Variants in IARS1 observed in about 807,000 individuals in gnomAD.
IARS1 encodes isoleucyl-tRNA synthetase 1.
Under a neutral mutation model 168.2 loss-of-function variants are expected in IARS1, and 124 were observed. The observed-to-expected ratio is 0.74, with a 90% CI of 0.64 to 0.86. The LOEUF (loss-of-function observed/expected upper bound fraction) is 0.86. Ranked by LOEUF, IARS1 falls within the 40% of genes least tolerant of loss-of-function variation. The probability of loss-of-function intolerance (pLI) is 0.00; values close to 1 mark genes in which losing one functional copy is unlikely to be tolerated. For missense variants in IARS1, 1,452 were observed against 1,515.8 expected (o/e 0.96, Z 0.70); for synonymous variants, 532 against 529.4 (o/e 1.00, Z -0.07).
chr9:92,265,984 C>T (rs1484299547), intron 14 of IARS1, among the ~76,000 whole-genome samples: 1 of 152,112 alleles, frequency 6.6e-6, no homozygotes, highest in Non-Finnish European at 1.5e-5. Flanking sequence ...CACATTAACA[C>T]ACCAATCTGG....
chr9:92,236,258 A>G (rs975744354), intron 30 of IARS1, among the ~76,000 whole-genome samples: 1 of 152,226 alleles, frequency 6.6e-6, no homozygotes, highest in Non-Finnish European at 1.5e-5. Context: ...TGCTGAGATT[A>G]CAGGCATAAG....
At chr9:92,213,903 C>T (rs907885737) in intron 33 of IARS1, among the ~76,000 whole-genome samples, 4 of 152,022 alleles carry the variant, frequency 2.6e-5, no homozygotes, top group Admixed American at 6.5e-5. Flanking sequence ...CCTCTGCCTC[C>T]CAGGTTCAAG....
At chr9:92,225,574 A>ATTT (rs35209758) in intron 31 of IARS1, among the ~76,000 whole-genome samples, 33,791 of 144,076 alleles carry the variant, frequency 0.23, 4,538 homozygotes, top group Middle Eastern at 0.38. Context: ...TAAAAGTGTG[A>ATTT]TTTTTTTTTT....
intron 29 of IARS1, among the ~76,000 whole-genome samples, 184 bp downstream of exon 29, chr9:92,241,970 C>T (rs1292888174): frequency 6.6e-6 from 1 of 152,160 alleles, no homozygotes; most frequent in Non-Finnish European, 1.5e-5. Context: ...TTCCATCTTC[C>T]CTCCCTGCTC....
chr9:92,237,498 T>C (rs1827709791), intron 30 of IARS1, among the ~76,000 whole-genome samples: 1 of 151,948 alleles, frequency 6.6e-6, no homozygotes, highest in African/African-American at 2.4e-5. Context: ...ATTTATATTC[T>C]GCTATTTTTG....
intron 28 of IARS1, 152 bp from the exon 29 acceptor site, chr9:92,242,482 T>C: frequency 3.3e-6 from 2 of 613,308 alleles, no homozygotes; most frequent in East Asian, 2.7e-5. Context: ...TCCGTAAGAC[T>C]AACTGCACTC....
chr9:92,239,035 A>G (rs1827971653), intron 30 of IARS1, among the ~76,000 whole-genome samples: 1 of 152,258 alleles, frequency 6.6e-6, no homozygotes. Context: ...TTGAGGCCTT[A>G]GTGTATATAC....
chr9:92,260,581 A>T (rs1831382013), intron 17 of IARS1, among the ~76,000 whole-genome samples: 1 of 152,130 alleles, frequency 6.6e-6, no homozygotes, highest in Admixed American at 6.5e-5. Context: ...CCTGAACCTG[A>T]GAGGCAGAGA....
chr9:92,282,217 A>C (rs1009333873), intron 6 of IARS1, among the ~76,000 whole-genome samples: 1 of 152,228 alleles, frequency 6.6e-6, no homozygotes, highest in Non-Finnish European at 1.5e-5. Context: ...ATGTGGTAAA[A>C]GGTTAACATT....
intron 10 of IARS1, among the ~76,000 whole-genome samples, chr9:92,272,857 A>C (rs1833255171): frequency 9.9e-6 from 1 of 100,714 alleles, no homozygotes; most frequent in East Asian, 2.1e-4. Context: ...TCTCAAACAA[A>C]ACAAAACAAA....
At chr9:92,252,636 G>A (rs1039285712) in intron 21 of IARS1, among the ~76,000 whole-genome samples, 1 of 151,604 alleles carries the variant, frequency 6.6e-6, no homozygotes, top group Non-Finnish European at 1.5e-5. Flanking sequence ...GCGTGGTGGT[G>A]CACACTTGTA....
Position 92,268,157 on chromosome 9 carries a change from A to T in IARS1, c.1431+17T>A. On this transcript the variant is annotated intron_variant, in intron 14 of 33. Coordinates refer to ENST00000443024, the MANE Select transcript of IARS1 (RefSeq NM_002161.6). Reference sequence around the variant, plus strand: ...CTTTAGCAAAAATCAACACAAGGAAATACTGCCATGCCTCACCTCCTCAAA... The same window carrying T: ...CTTTAGCAAAAATCAACACAAGGAATTACTGCCATGCCTCACCTCCTCAAA... 3.2e-6 allele frequency: 5 copies of T among 1,554,558 alleles called. No homozygotes were observed. Among genetic ancestry groups the T allele is most frequent in the Non-Finnish European group, 3.5e-6 (4 of 1,156,660 alleles).
At position 92,249,859 on chromosome 9, in the gene IARS1, T is replaced by A; in HGVS notation, c.2615A>T (p.Glu872Val). The A allele has an allele frequency of 6.5e-7, 1 of 1,536,642 alleles. No individual in the cohort carries two copies. The highest frequency in any genetic ancestry group is 9.0e-7 in the Non-Finnish European group (1 of 1,112,824). ...AAACAGACAAATCATCTACCTTACC[T>A]CAATGATATACTTCTCCAAAGACTT... ...DIKSLEKYII[E>V]ELNVRKVTLS... is the part of the protein sequence containing the mutation. The change falls in exon 25 of 34, where the codon GAG (glutamate) becomes GTG (valine). Residue 872 changes from glutamate to valine, a missense_variant and splice_region_variant. By Grantham distance (121) the Glu-to-Val change is moderately radical. Coordinates refer to ENST00000443024, the MANE Select transcript of IARS1 (RefSeq NM_002161.6).
At position 92,247,527 on chromosome 9, in the gene IARS1, G is replaced by C. The variant is rs752079103; in HGVS notation, c.2641C>G (p.Leu881Val). 1.9e-5 allele frequency: 31 copies of C among 1,613,678 alleles called. No homozygotes were observed. In the South Asian group the frequency reaches 3.3e-4, roughly 17 times the overall value. The change falls in exon 26 of 34, where the codon CTG becomes GTG. Residue 881 changes from leucine to valine, a missense_variant. Physicochemically the swap from Leu to Val is conservative, Grantham distance 32 (BLOSUM62 1). Transcript: ENST00000443024. The stretch of plus-strand genomic sequence containing the variant: ...CCATACTTGTTTTTATCTGTAGACA[G>C]TGTAACTTTTCGAACATTGAGTTCC... ...IEELNVRKVTLSTDKNKYGIR... is the reference protein window; with the variant it reads ...IEELNVRKVTVSTDKNKYGIR...
intron 33 of IARS1, among the ~76,000 whole-genome samples, chr9:92,211,706 C>T (rs1162272373): frequency 6.6e-6 from 1 of 152,186 alleles, no homozygotes; most frequent in African/African-American, 2.4e-5. Context: ...CAAAAAAAGC[C>T]TAGAGGCTGT....
chr9:92,292,360 G>A (rs1836500572), intron 1 of IARS1: 1 of 152,342 alleles, frequency 6.6e-6, no homozygotes, highest in African/African-American at 2.4e-5. Context: ...CTTTTACTGT[G>A]TTTTTTAGGG....
Position 92,286,569 on chromosome 9 carries a change from T to C in IARS1, c.446A>G (p.Lys149Arg). The change falls in exon 5 of 34, where the codon AAA becomes AGA. Residue 149 changes from lysine (K) to arginine (R), a missense_variant. By Grantham distance (26) the Lys-to-Arg change is conservative. Transcript: ENST00000443024. ...TTCCATGAATTGTGGATACAGAGTT[T>C]TATAGTCATTGTCAAAGTCAATCCA... Reference protein sequence around the residue: ...GRWIDFDNDYKTLYPQFMESV... With the variant: ...GRWIDFDNDYRTLYPQFMESV... The C allele has an allele frequency of 6.2e-7, 1 of 1,600,630 alleles. No individual in the cohort carries two copies. Among genetic ancestry groups the C allele is most frequent in the South Asian group, 1.1e-5 (1 of 90,644 alleles).
chr9:92,278,103 C>T, intron 8 of IARS1, 96 bp downstream of exon 8: 1 of 1,104,032 alleles, frequency 9.1e-7, no homozygotes, highest in Non-Finnish European at 1.4e-6. Context: ...TTGAATAATG[C>T]AAGCTTTTGG....
At chr9:92,229,358 TACACACACACACAC>T (rs113517739) in intron 30 of IARS1, among the ~76,000 whole-genome samples, 1 of 144,830 alleles carries the variant, frequency 6.9e-6, no homozygotes, top group South Asian at 2.3e-4. Context: ...ATATATACAC[TACACACACACACAC>T]ACACACACAC....
Sources: gnomAD v4.1 joint callset for allele counts (sites outside exome capture counted in the v4.1 genomes callset) on GRCh38, gnomAD v4.1.1 for gene constraint, MANE v1.5 for transcripts, NCBI Gene and HGNC (gene_info 2026-07-23, HGNC 2026-07-21) for gene names.